Variants in ZDHHC20 observed in about 807,000 individuals in gnomAD.
ZDHHC20 encodes zDHHC palmitoyltransferase 20.
In ZDHHC20, 43 loss-of-function variants were observed where a neutral mutation model predicts 57.8. The observed-to-expected ratio is 0.74, with a 90% CI of 0.58 to 0.96. ZDHHC20 has a LOEUF of 0.96. Ranked by LOEUF, ZDHHC20 falls within the 40% of genes least tolerant of loss-of-function variation. The pLI is 0.00. For missense variants in ZDHHC20, 391 were observed against 441.1 expected, an observed-to-expected ratio of 0.89 and a Z score of 1.02; for synonymous variants, 157 against 153.0, an observed-to-expected ratio of 1.03 and a Z score of -0.19.
intron 2 of ZDHHC20, among the ~76,000 whole-genome samples, chr13:21,422,849 C>CAGCA (rs1452065050): frequency 1.3e-5 from 2 of 152,006 alleles, no homozygotes; most frequent in African/African-American, 4.8e-5. Flanking sequence ...ACCTCATGAC[C>CAGCA]AGCACATCCT....
intron 4 of ZDHHC20, among the ~76,000 whole-genome samples, chr13:21,406,630 C>G (rs1306405245): frequency 6.6e-6 from 1 of 151,850 alleles, no homozygotes; most frequent in East Asian, 1.9e-4. Flanking sequence ...TGAGAACATG[C>G]AGTGTTTGGT....
At chr13:21,405,609 A>C (rs1482021409) in intron 4 of ZDHHC20, among the ~76,000 whole-genome samples, 30 of 152,148 alleles carry the variant, frequency 2.0e-4, no homozygotes, top group Admixed American at 2.0e-3. Flanking sequence ...ATTGATGAGC[A>C]ATGTGTAGGA....
chr13:21,452,216 T>A lies in ZDHHC20; in HGVS notation c.118+6838A>T, dbSNP rs142799593. 2.8e-5 allele frequency among the ~76,000 whole-genome samples: 4 copies of A among 140,532 alleles called. No homozygotes were observed. The East Asian group carries it at 8.6e-4, about 30-fold the overall frequency. The allele number at this position is 140,532 out of a possible 152,430, so 92.2% of individuals were successfully genotyped here. A position where few individuals can be genotyped will look rare whatever the true frequency, so the allele number is the denominator to read the frequency against. On this transcript the variant is annotated intron_variant, in intron 1 of 12. Coordinates refer to ENST00000400590, the MANE Select transcript of ZDHHC20 (RefSeq NM_001330059.2). Reference sequence around the variant, plus strand: ...GCTGGGGGTGGGAAGAAGGATTAACTGTAAATGGGCATGAGGGATCTTAAT... The same window carrying A: ...GCTGGGGGTGGGAAGAAGGATTAACAGTAAATGGGCATGAGGGATCTTAAT...
At chr13:21,400,170 T>C (rs1415306464) in intron 7 of ZDHHC20, among the ~76,000 whole-genome samples, 1 of 151,664 alleles carries the variant, frequency 6.6e-6, no homozygotes, top group Non-Finnish European at 1.5e-5. Context: ...GCTCACTATA[T>C]CCTGTTTAAT....
chr13:21,398,089 T>G (rs1033987079), intron 7 of ZDHHC20, among the ~76,000 whole-genome samples: 3 of 152,156 alleles, frequency 2.0e-5, no homozygotes, highest in African/African-American at 7.2e-5. Context: ...AGTCTAAAGT[T>G]TAAGTATCTT....
At chr13:21,382,467 A>C (rs1342080379) in intron 10 of ZDHHC20, among the ~76,000 whole-genome samples, 1 of 152,176 alleles carries the variant, frequency 6.6e-6, no homozygotes, top group African/African-American at 2.4e-5. Flanking sequence ...ATTTCCTCTA[A>C]GATGAATTAA....
intron 1 of ZDHHC20, among the ~76,000 whole-genome samples, chr13:21,439,221 C>T (rs1023025407): frequency 5.3e-5 from 8 of 152,110 alleles, no homozygotes; most frequent in East Asian, 3.9e-4. Context: ...AAACCTTGGC[C>T]GAGTGCAGTG....
At chr13:21,406,268 C>G (rs1481796751) in intron 4 of ZDHHC20, among the ~76,000 whole-genome samples, 1 of 152,160 alleles carries the variant, frequency 6.6e-6, no homozygotes, top group Non-Finnish European at 1.5e-5. Context: ...TTTTCAAATA[C>G]TGTTTAATAC....
Position 21,455,239 on chromosome 13 carries a change from T to C in ZDHHC20, c.118+3815A>G, listed in dbSNP as rs573087256. Among the ~76,000 whole-genome samples the C allele has an allele frequency of 1.2e-4, 19 of 152,312 alleles. No homozygotes were observed. In the South Asian group the frequency reaches 3.3e-3, roughly 27 times the overall value. On this transcript the variant is annotated intron_variant, in intron 1 of 12. Coordinates refer to ENST00000400590, the MANE Select transcript of ZDHHC20 (RefSeq NM_001330059.2). ...TGGCCAACATAGCTCTTTTGAGCAA[T>C]AGTTTCATCAGAAGTAAAGGGACTG...
chr13:21,429,385 T>C (rs1381441916), intron 1 of ZDHHC20, among the ~76,000 whole-genome samples: 3 of 152,356 alleles, frequency 2.0e-5, no homozygotes, highest in East Asian at 1.9e-4. Context: ...ATGCTGGATA[T>C]AGAATTCTGG....
chr13:21,422,484 C>A (rs1248839302), intron 2 of ZDHHC20, among the ~76,000 whole-genome samples: 1 of 152,090 alleles, frequency 6.6e-6, no homozygotes, highest in Non-Finnish European at 1.5e-5. Flanking sequence ...TGGGTTCATG[C>A]CAGATCTCAG....
In ZDHHC20 at chr13:21,386,198, C is replaced by CA. The variant is rs139818277; in HGVS notation, c.854+1309dup. 8.5e-3 allele frequency among the ~76,000 whole-genome samples: 1,298 copies of CA among 152,072 alleles called. 21 individuals carry two copies. The highest frequency in any genetic ancestry group is 0.029 in the African/African-American group (1,189 of 41,472). On this transcript the variant is annotated intron_variant, in intron 9 of 12. Transcript: ENST00000400590. ...TACAAAATGAAACACAGAAAAAAGA[C>CA]AAAAAATGAACAGTGCATCAGTGAG... is the stretch of plus-strand genomic sequence containing the variant.
intron 1 of ZDHHC20, among the ~76,000 whole-genome samples, chr13:21,450,291 A>G (rs1385015115): frequency 1.3e-5 from 2 of 152,212 alleles, no homozygotes. Flanking sequence ...CGGGCAGAGA[A>G]GCAGCCAGGC....
chr13:21,423,661 G>A (rs1449497661), intron 2 of ZDHHC20, among the ~76,000 whole-genome samples: 9 of 150,800 alleles, frequency 6.0e-5, no homozygotes, highest in African/African-American at 2.0e-4. Flanking sequence ...GCGACAGAGC[G>A]AGACTCCATC....
chr13:21,384,755 G>A (rs573656982), intron 9 of ZDHHC20, among the ~76,000 whole-genome samples: 31 of 152,220 alleles, frequency 2.0e-4, no homozygotes, highest in African/African-American at 6.0e-4. Flanking sequence ...TTATTGGAGC[G>A]CTAAACTAGC....
In ZDHHC20 at chr13:21,374,294, G is replaced by C; in HGVS notation, c.*2402C>G. The C allele has an allele frequency of 7.8e-6, 3 of 386,184 alleles. No individual in the cohort carries two copies. The highest frequency in any genetic ancestry group is 5.8e-5 in the South Asian group (3 of 51,942). 23.9% of individuals were successfully genotyped at this position (386,184 alleles called of 1,614,324 possible). The stretch of plus-strand genomic sequence containing the variant: ...GGCTGGAGTGCAGTGGCACGATCTC[G>C]GCTCACTGCGACCTCCACCTCCTGG... On this transcript the variant is annotated 3_prime_UTR_variant, in exon 13 of 13. Transcript: ENST00000400590.
rs1877667408 is a variant in ZDHHC20, at chr13:21,401,764, G to A, written c.441-79C>T. 4 of 1,315,722 alleles carry A rather than the reference G, an allele frequency of 3.0e-6. No individual in the cohort carries two copies. In the Admixed American group the frequency reaches 9.9e-5, roughly 33 times the overall value. 81.5% of individuals were successfully genotyped at this position (1,315,722 alleles called of 1,614,324 possible). A position where few individuals can be genotyped will look rare whatever the true frequency, so the allele number is the denominator to read the frequency against. The stretch of plus-strand genomic sequence containing the variant: ...AACTTCTCATAATTTTCTTTTATTT[G>A]ACTTAAAATTCCCTTTACAACTACA... On this transcript the variant is annotated intron_variant, in intron 5 of 12. Coordinates refer to ENST00000400590, the MANE Select transcript of ZDHHC20 (RefSeq NM_001330059.2).
At chr13:21,427,039 T>C (rs1460834048) in intron 1 of ZDHHC20, among the ~76,000 whole-genome samples, 1 of 152,252 alleles carries the variant, frequency 6.6e-6, no homozygotes, top group Non-Finnish European at 1.5e-5. Flanking sequence ...AGGCCCGTTT[T>C]GAATACTCCT....
chr13:21,402,393 G>GTGGTCTTAT (rs1877802197), intron 5 of ZDHHC20, among the ~76,000 whole-genome samples: 1 of 152,000 alleles, frequency 6.6e-6, no homozygotes, highest in Non-Finnish European at 1.5e-5. Context: ...GTAGACCACA[G>GTGGTCTTAT]ATCATCTAAA....
Sources: allele counts gnomAD v4.1 joint callset (sites outside exome capture counted in the v4.1 genomes callset), GRCh38; gene constraint gnomAD v4.1.1; transcripts MANE v1.5; gene names NCBI Gene and HGNC (gene_info 2026-07-23, HGNC 2026-07-21).